The following STOX2 variants were observed in gnomAD, a reference collection of about 807,000 sequenced individuals.
STOX2 encodes storkhead box 2, also known as storkhead-box protein 2.
Under a neutral mutation model 60.9 loss-of-function variants are expected in STOX2, and 28 were observed. That is an observed-to-expected ratio of 0.46 (90% confidence interval 0.34 to 0.63). The LOEUF (loss-of-function observed/expected upper bound fraction) is 0.63. Ranked by LOEUF, STOX2 falls within the 30% of genes least tolerant of loss-of-function variation. The pLI, the probability that STOX2 is intolerant of heterozygous loss-of-function variation, is 0.01. For missense variants in STOX2, 1,024 were observed against 1,187.7 expected (o/e 0.86, Z 2.03); for synonymous variants, 472 against 463.9 (o/e 1.02, Z -0.22).
chr4:183,951,094 T>C (rs1030952571), intron 1 of STOX2, among the ~76,000 whole-genome samples: 6 of 151,396 alleles, frequency 4.0e-5, no homozygotes, highest in African/African-American at 1.2e-4. Flanking sequence ...CGGGCGCCTG[T>C]AGTCCCAGCT....
intron 1 of STOX2, among the ~76,000 whole-genome samples, chr4:184,000,706 G>T (rs1733550165): frequency 6.6e-6 from 1 of 152,096 alleles, no homozygotes. Context: ...TCCTGCTTCT[G>T]AGCCCCACCC....
rs555219644 is a variant in STOX2, at chr4:184,010,776, C to T, written c.1938C>T (p.Ser646=). 7 of 1,580,908 alleles carry T rather than the reference C, an allele frequency of 4.4e-6. No homozygotes were observed. The Admixed American group carries it at 1.2e-4, about 28-fold the overall frequency. The change falls in exon 3 of 4, where the codon TCC becomes TCT. Residue 646 remains serine, a synonymous_variant. Coordinates refer to ENST00000308497, the MANE Select transcript of STOX2 (RefSeq NM_020225.3). The surrounding 1 kb of genome is among the most constrained non-coding windows in gnomAD (Gnocchi z 4.5). ...CTTCTGATAGGCAGGTCCCCCACTC[C>T]TCCAGGGAGCCTGTGGGGCACAAGG... ...LSPSDRQVPH[S]SREPVGHKEE... is the part of the protein sequence containing the mutation.
At chr4:183,947,588 C>G (rs146898054) in intron 1 of STOX2, among the ~76,000 whole-genome samples, 1 of 152,306 alleles carries the variant, frequency 6.6e-6, no homozygotes, top group East Asian at 1.9e-4. Flanking sequence ...ACATCATTGC[C>G]TTGCTGGGAG....
At chr4:183,824,207 T>C (rs1464142791) in intron 1 of STOX2, among the ~76,000 whole-genome samples, 1 of 152,262 alleles carries the variant, frequency 6.6e-6, no homozygotes, top group Non-Finnish European at 1.5e-5. Context: ...AAATTCATAC[T>C]GGCCAGAATA....
intron 1 of STOX2, among the ~76,000 whole-genome samples, chr4:183,862,402 C>G (rs545443453): frequency 1.3e-5 from 2 of 152,324 alleles, no homozygotes; most frequent in Admixed American, 1.3e-4. Flanking sequence ...TCTTGAACTG[C>G]CTACCTCGGC....
At chr4:183,871,560 C>T (rs1339635847) in intron 1 of STOX2, among the ~76,000 whole-genome samples, 1 of 152,056 alleles carries the variant, frequency 6.6e-6, no homozygotes, top group African/African-American at 2.4e-5. Flanking sequence ...CATTAGGAGC[C>T]CTCAGCAGCA....
chr4:183,961,680 T>G (rs1438350730), intron 1 of STOX2, among the ~76,000 whole-genome samples: 8 of 152,256 alleles, frequency 5.3e-5, no homozygotes, highest in Non-Finnish European at 2.9e-5. Context: ...ATCACCCAGA[T>G]AGTGTACACT....
intron 1 of STOX2, among the ~76,000 whole-genome samples, chr4:183,826,913 C>T (rs1033384467): frequency 6.6e-5 from 10 of 152,170 alleles, no homozygotes; most frequent in Non-Finnish European, 2.9e-5. Flanking sequence ...ATAGTAGTAG[C>T]GGTAATGGTA....
At chr4:183,944,315 G>C (rs1348701183) in intron 1 of STOX2, among the ~76,000 whole-genome samples, 1 of 152,216 alleles carries the variant, frequency 6.6e-6, no homozygotes, top group Non-Finnish European at 1.5e-5. Flanking sequence ...AATAGTTCAC[G>C]TGGTGCTGAT....
At position 183,919,510 on chromosome 4, in the gene STOX2, G is replaced by A. The variant is rs749428181; in HGVS notation, c.166+12554G>A. Among the ~76,000 whole-genome samples the A allele has an allele frequency of 2.6e-5, 4 of 152,168 alleles. No homozygotes were observed. In the East Asian group the frequency reaches 7.7e-4, roughly 29 times the overall value. ...CACAGTCTGAGAGCATGCTTCCTAC[G>A]TGATAGTGGAGTGCTGGTGTGCTCC... is the stretch of plus-strand genomic sequence containing the variant. On this transcript the variant is annotated intron_variant, in intron 1 of 3. Coordinates refer to ENST00000308497, the MANE Select transcript of STOX2 (RefSeq NM_020225.3).
At chr4:183,966,063 G>C (rs1047821221) in intron 1 of STOX2, among the ~76,000 whole-genome samples, 5 of 146,892 alleles carry the variant, frequency 3.4e-5, no homozygotes, top group African/African-American at 1.2e-4. Context: ...AGAGAGGGGG[G>C]CAGGGAGGGA....
At position 183,825,582 on chromosome 4, in the gene STOX2, G is replaced by A. The variant is rs1031621548; in HGVS notation, c.364+27527G>A. On this transcript the variant is annotated intron_variant, in intron 1 of 2. Coordinates refer to the STOX2 transcript ENST00000513034. The surrounding 1 kb of genome is among the most constrained non-coding windows in gnomAD (Gnocchi z 4.1). ...GTGTCCGTGCCTCTGTCCTGCCAACGTGGGTGCAGCGCCCGACCCCTCCCT... is the reference window on the plus strand; with the variant it reads ...GTGTCCGTGCCTCTGTCCTGCCAACATGGGTGCAGCGCCCGACCCCTCCCT... Among the ~76,000 whole-genome samples, 8 of 152,172 alleles carry A rather than the reference G, an allele frequency of 5.3e-5. No individual in the cohort carries two copies. The highest frequency in any genetic ancestry group is 6.5e-5 in the Admixed American group (1 of 15,284).
At position 184,020,235 on chromosome 4, in the gene STOX2, T is replaced by C. The variant is rs867279675; in HGVS notation, c.*2951T>C. The C allele has an allele frequency of 6.6e-6, 1 of 152,198 alleles. No homozygotes were observed. The highest frequency in any genetic ancestry group is 2.1e-4 in the South Asian group (1 of 4,830). The allele number at this position is 152,198 out of a possible 1,614,324, so 9.4% of individuals were successfully genotyped here. On this transcript the variant is annotated 3_prime_UTR_variant, in exon 4 of 4. Transcript: ENST00000308497. Reference sequence around the variant, plus strand: ...GTGATTGCCTCTGTGGACTCATGACTTTCCATCGCCATGGCTTTCTCTTAC... The same window carrying C: ...GTGATTGCCTCTGTGGACTCATGACCTTCCATCGCCATGGCTTTCTCTTAC...
intron 1 of STOX2, among the ~76,000 whole-genome samples, chr4:183,827,202 A>G (rs560820950): frequency 6.6e-6 from 1 of 152,216 alleles, no homozygotes; most frequent in Non-Finnish European, 1.5e-5. Context: ...TCAGTCATTT[A>G]TAGAAATGGA....
At chr4:183,989,020 G>A (rs957264162) in intron 1 of STOX2, among the ~76,000 whole-genome samples, 1 of 152,162 alleles carries the variant, frequency 6.6e-6, no homozygotes, top group Non-Finnish European at 1.5e-5. Flanking sequence ...GGTCATCCCA[G>A]AGCTGCTCAC....
intron 1 of STOX2, among the ~76,000 whole-genome samples, chr4:183,927,401 A>G (rs754530441): frequency 3.9e-5 from 6 of 152,246 alleles, no homozygotes; most frequent in Non-Finnish European, 8.8e-5. Context: ...TATGTGCTCC[A>G]TAACAGTGAA....
chr4:183,870,766 G>A (rs1285163504), intron 1 of STOX2, among the ~76,000 whole-genome samples: 1 of 152,162 alleles, frequency 6.6e-6, no homozygotes, highest in Non-Finnish European at 1.5e-5. Context: ...TGATGGGGGA[G>A]AAGAATTTCA....
chr4:183,899,420 G>A (rs1741415652), intron 1 of STOX2, among the ~76,000 whole-genome samples: 1 of 152,196 alleles, frequency 6.6e-6, no homozygotes, highest in Admixed American at 6.5e-5. Flanking sequence ...GCCAAGTTAT[G>A]AATGCCACGA....
At chr4:184,013,467 G>A (rs537398851) in intron 3 of STOX2, among the ~76,000 whole-genome samples, 3 of 152,256 alleles carry the variant, frequency 2.0e-5, no homozygotes, top group South Asian at 2.1e-4. Flanking sequence ...CACAATAGCC[G>A]CATGTCTCCC....
Sources: allele counts gnomAD v4.1 joint callset (sites outside exome capture counted in the v4.1 genomes callset), GRCh38; gene constraint gnomAD v4.1.1; non-coding constraint Gnocchi (gnomAD v3.1); transcripts MANE v1.5; gene names NCBI Gene and HGNC (gene_info 2026-07-23, HGNC 2026-07-21).